STXBP4: variants seen among roughly 807,000 people sequenced by gnomAD.
The protein encoded by STXBP4 is syntaxin binding protein 4, also known as syntaxin-binding protein 4.
Under a neutral mutation model 76.1 loss-of-function variants are expected in STXBP4, and 55 were observed. That is an observed-to-expected ratio of 0.72 (90% CI 0.58 to 0.91). The LOEUF (loss-of-function observed/expected upper bound fraction) is 0.91, where lower values mean the gene tolerates loss of function less well. Among genes scored for constraint, STXBP4 ranks in the 40% least tolerant of loss-of-function variants. The pLI is 0.00. For missense variants in STXBP4, 618 were observed against 636.9 expected (o/e 0.97, Z 0.32); for synonymous variants, 201 against 220.2 (o/e 0.91, Z 0.77).
intron 12 of STXBP4, among the ~76,000 whole-genome samples, chr17:55,053,361 G>A (rs1006820606): frequency 1.3e-5 from 2 of 152,004 alleles, no homozygotes; most frequent in African/African-American, 4.8e-5. Context: ...ATATATACAT[G>A]TGTGTTATTT....
Position 55,170,471 on chromosome 17 carries a change from TTTTA to T in STXBP4, c.*10567_*10570del, listed in dbSNP as rs1235051619. 5 of 152,186 alleles carry T rather than the reference TTTTA, an allele frequency of 3.3e-5. No homozygotes were observed. Among genetic ancestry groups the T allele is most frequent in the East Asian group, 3.8e-4 (2 of 5,200 alleles). 9.4% of individuals were successfully genotyped at this position (152,186 alleles called of 1,614,324 possible). A position where few individuals can be genotyped will look rare whatever the true frequency, so the allele number is the denominator to read the frequency against. On this transcript the variant is annotated 3_prime_UTR_variant, in exon 18 of 18. Coordinates refer to ENST00000376352, the MANE Select transcript of STXBP4 (RefSeq NM_178509.6). ...TAGATGACATTATTTGTGATATCTA[TTTTA>T]TTTATTATATTTTTCTGCATACTAC...
At chr17:54,985,883 A>T (rs1255872684) in intron 2 of STXBP4, among the ~76,000 whole-genome samples, 192 bp downstream of exon 2, 1 of 152,188 alleles carries the variant, frequency 6.6e-6, no homozygotes, top group Non-Finnish European at 1.5e-5. Flanking sequence ...TTGCCAGAAA[A>T]TGAAGATGTT....
intron 12 of STXBP4, among the ~76,000 whole-genome samples, chr17:55,052,952 G>GTGTGT (rs1567739310): frequency 4.7e-5 from 6 of 126,998 alleles, no homozygotes; most frequent in Admixed American, 1.6e-4. Flanking sequence ...TGTGTGTGTG[G>GTGTGT]GTTGTATTCT....
intron 16 of STXBP4, among the ~76,000 whole-genome samples, chr17:55,081,881 A>G (rs747683258): frequency 3.3e-5 from 5 of 152,190 alleles, no homozygotes; most frequent in Admixed American, 2.0e-4. Flanking sequence ...ATCCCAACAG[A>G]CAGAGAAATC....
At chr17:55,048,626 A>G (rs996428240) in intron 12 of STXBP4, among the ~76,000 whole-genome samples, 2 of 151,702 alleles carry the variant, frequency 1.3e-5, no homozygotes, top group African/African-American at 4.8e-5. Flanking sequence ...ATCACCCCCA[A>G]AAAAATCAGG....
Position 54,986,128 on chromosome 17 carries a change from T to G in STXBP4, c.-78-14T>G. On this transcript the variant is annotated splice_polypyrimidine_tract_variant and intron_variant, in intron 2 of 17. Transcript: ENST00000376352. ...TAAGACCTGACAATTTATTTTCTAC[T>G]TCTTCAATCCTAGGAAAAGAAGAAT... is the stretch of plus-strand genomic sequence containing the variant. 9.0e-7 allele frequency: 1 copy of G among 1,108,826 alleles called. No homozygotes were observed. Among genetic ancestry groups the G allele is most frequent in the South Asian group, 1.4e-5 (1 of 73,304 alleles). 68.7% of individuals were successfully genotyped at this position (1,108,826 alleles called of 1,614,324 possible). A position where few individuals can be genotyped will look rare whatever the true frequency, so the allele number is the denominator to read the frequency against.
intron 7 of STXBP4, among the ~76,000 whole-genome samples, chr17:55,002,222 C>T (rs1209067941): frequency 6.6e-6 from 1 of 152,054 alleles, no homozygotes; most frequent in Non-Finnish European, 1.5e-5. Flanking sequence ...GAAGTCAGAA[C>T]CCTTTATTCC....
intron 3 of STXBP4, among the ~76,000 whole-genome samples, chr17:54,987,948 A>G (rs1210156306): frequency 6.6e-6 from 1 of 152,182 alleles, no homozygotes; most frequent in Non-Finnish European, 1.5e-5. Context: ...TCTTATTATG[A>G]GTAAAGTTGA....
In STXBP4 at chr17:54,982,444, C is replaced by T. The variant is rs571730170; in HGVS notation, c.-156-3170C>T. Among the ~76,000 whole-genome samples the T allele has an allele frequency of 2.0e-5, 3 of 152,144 alleles. No homozygotes were observed. In the East Asian group the frequency reaches 5.8e-4, roughly 29 times the overall value. On this transcript the variant is annotated intron_variant, in intron 1 of 17. Transcript: ENST00000376352. ...ACAAGATTTTTTTTCTCCAATGTTC[C>T]ACTTTCTCTGTTTTTGCTGACCTGT...
At chr17:54,970,948 G>T (rs1222963986) in intron 1 of STXBP4, among the ~76,000 whole-genome samples, 1 of 150,814 alleles carries the variant, frequency 6.6e-6, no homozygotes, top group East Asian at 2.0e-4. Flanking sequence ...TGAAATGACA[G>T]TTCATGTTTA....
chr17:55,014,538 G>A (rs906614029), intron 8 of STXBP4, among the ~76,000 whole-genome samples: 4 of 152,144 alleles, frequency 2.6e-5, no homozygotes, highest in Admixed American at 2.6e-4. Flanking sequence ...GAGTAAGACT[G>A]AGAAGGCCAC....
At chr17:55,125,307 C>G (rs577980616) in intron 16 of STXBP4, among the ~76,000 whole-genome samples, 1 of 151,982 alleles carries the variant, frequency 6.6e-6, no homozygotes, top group South Asian at 2.1e-4. Context: ...AGCTCTGAAA[C>G]CATTTTTGGT....
intron 11 of STXBP4, chr17:55,043,724 A>G: frequency 7.5e-7 from 1 of 1,330,542 alleles, no homozygotes; most frequent in Non-Finnish European, 1.0e-6. Flanking sequence ...TTCTTAAGGG[A>G]CATCATGTTT....
the STXBP4 span, among the ~76,000 whole-genome samples, chr17:55,196,807 C>A: frequency 6.6e-6 from 1 of 152,182 alleles, no homozygotes; most frequent in African/African-American, 2.4e-5. Flanking sequence ...GACTTGATGA[C>A]AATTCTCTGA....
the STXBP4 span, among the ~76,000 whole-genome samples, chr17:55,184,595 C>A: frequency 6.6e-6 from 1 of 152,120 alleles, no homozygotes; most frequent in Non-Finnish European, 1.5e-5. Context: ...AAACTCATTG[C>A]AACATCAGAA....
chr17:55,089,514 A>G (rs1353730584), intron 16 of STXBP4, among the ~76,000 whole-genome samples: 1 of 152,228 alleles, frequency 6.6e-6, no homozygotes, highest in African/African-American at 2.4e-5. Flanking sequence ...TTCTGTCATT[A>G]TTCACAGTGA....
At chr17:55,094,625 G>A (rs1488123189) in intron 16 of STXBP4, among the ~76,000 whole-genome samples, 1 of 152,108 alleles carries the variant, frequency 6.6e-6, no homozygotes, top group Non-Finnish European at 1.5e-5. Flanking sequence ...AAAAAGTCCG[G>A]TAGCACAGAC....
chr17:55,139,893 A>G (rs1598345058), intron 16 of STXBP4, among the ~76,000 whole-genome samples: 1 of 152,322 alleles, frequency 6.6e-6, no homozygotes, highest in Non-Finnish European at 1.5e-5. Context: ...GGAAATAAAC[A>G]CAATGCAAAT....
the STXBP4 span, among the ~76,000 whole-genome samples, chr17:55,184,372 T>C: frequency 4.6e-5 from 7 of 152,216 alleles, no homozygotes; most frequent in Non-Finnish European, 1.0e-4. Flanking sequence ...CAAATATAAA[T>C]ATGCCATTCA....
Sources: allele counts gnomAD v4.1 joint callset (sites outside exome capture counted in the v4.1 genomes callset), GRCh38; gene constraint gnomAD v4.1.1; transcripts MANE v1.5; gene names NCBI Gene and HGNC (gene_info 2026-07-23, HGNC 2026-07-21).